TET2: variants seen among roughly 807,000 people sequenced by gnomAD.
The protein encoded by TET2 is methylcytosine dioxygenase TET2.
A neutral mutation model predicts 142.9 loss-of-function variants in TET2; 299 were observed. That is an observed-to-expected ratio of 2.09 (90% CI 1.90 to 2.30). TET2 has a LOEUF of 2.30. Ranked by LOEUF, TET2 falls within the 30% of genes most tolerant of loss-of-function variation. The pLI is 0.00. For synonymous variants in TET2, 819 were observed against 849.0 expected, an observed-to-expected ratio of 0.96 and a Z score of 0.61; for missense variants, 2,418 against 2,378.0, an observed-to-expected ratio of 1.02 and a Z score of -0.35.
At chr4:105,209,453 T>C (rs1485335494) in intron 2 of TET2, among the ~76,000 whole-genome samples, 1 of 151,840 alleles carries the variant, frequency 6.6e-6, no homozygotes, top group East Asian at 1.9e-4. Flanking sequence ...GTCAGTGGGG[T>C]TGACTTCTAG....
chr4:105,175,938 G>A lies in TET2; in HGVS notation c.-192-14422G>A, dbSNP rs567866188. Among the ~76,000 whole-genome samples, 8 of 152,202 alleles carry A rather than the reference G, an allele frequency of 5.3e-5. No individual in the cohort carries two copies. In the East Asian group the frequency reaches 1.3e-3, roughly 26 times the overall value. ...TTTAAGATGTTGAAAGAAAAATCCG[G>A]CAGTGTACGATTCTGGACCTTGCAA... is the stretch of plus-strand genomic sequence containing the variant. On this transcript the variant is annotated intron_variant, in intron 1 of 10. Coordinates refer to ENST00000380013, the MANE Select transcript of TET2 (RefSeq NM_001127208.3).
chr4:105,161,334 A>G (rs919730058), intron 1 of TET2, among the ~76,000 whole-genome samples: 1 of 152,190 alleles, frequency 6.6e-6, no homozygotes, highest in Non-Finnish European at 1.5e-5. Context: ...TTTATTGTAC[A>G]TTTCTGATAC....
intron 8 of TET2, among the ~76,000 whole-genome samples, chr4:105,264,196 TATGA>T (rs1730583002): frequency 6.6e-6 from 1 of 152,120 alleles, no homozygotes; most frequent in African/African-American, 2.4e-5. Flanking sequence ...TAGAAATGTG[TATGA>T]ATATCTATGA....
chr4:105,263,132 A>G (rs1157552333), intron 8 of TET2, among the ~76,000 whole-genome samples: 6 of 152,100 alleles, frequency 3.9e-5, no homozygotes, highest in Non-Finnish European at 7.4e-5. Context: ...GAATAGAAGA[A>G]TGTGCACATT....
intron 1 of TET2, among the ~76,000 whole-genome samples, chr4:105,179,729 G>A (rs1243548115): frequency 2.0e-5 from 3 of 152,108 alleles, no homozygotes; most frequent in Non-Finnish European, 4.4e-5. Flanking sequence ...GGTGACCTGT[G>A]TACCCTGACC....
intron 3 of TET2, 156 bp from the exon 4 acceptor site, chr4:105,241,183 A>C (rs1729277000): frequency 7.8e-7 from 1 of 1,285,828 alleles, no homozygotes; most frequent in Admixed American, 3.6e-5. Context: ...ATTTTCTAAT[A>C]GATCAGTCCA....
At chr4:105,160,599 T>A (rs1723799986) in intron 1 of TET2, among the ~76,000 whole-genome samples, 1 of 152,232 alleles carries the variant, frequency 6.6e-6, no homozygotes, top group Non-Finnish European at 1.5e-5. Flanking sequence ...CTCATTTGAC[T>A]GCTTCTTTCA....
At chr4:105,242,734 G>A (rs2110252221) in intron 4 of TET2, 100 bp from the exon 5 acceptor site, 2 of 1,496,458 alleles carry the variant, frequency 1.3e-6, no homozygotes, top group Non-Finnish European at 1.8e-6. Flanking sequence ...TCAGGATGTG[G>A]TCATAGAATA....
At chr4:105,197,958 CTA>C (rs1450440052) in intron 2 of TET2, among the ~76,000 whole-genome samples, 1 of 151,990 alleles carries the variant, frequency 6.6e-6, no homozygotes. Context: ...ATTAGAATTA[CTA>C]TGATGTTTAT....
chr4:105,172,003 G>A (rs528374463), intron 1 of TET2, among the ~76,000 whole-genome samples: 1 of 152,264 alleles, frequency 6.6e-6, no homozygotes, highest in African/African-American at 2.4e-5. Context: ...GGTTTTTCAT[G>A]TGGTACTGGG....
chr4:105,254,428 T>A lies in TET2; in HGVS notation c.3804-5191T>A, dbSNP rs552585872. Among the ~76,000 whole-genome samples, 40 of 152,344 alleles carry A rather than the reference T, an allele frequency of 2.6e-4. No homozygotes were observed. The South Asian group carries it at 8.1e-3, about 31-fold the overall frequency. Reference sequence around the variant, plus strand: ...ATATTTCTTTATTATCCTTTGTTTTTGAGACAGGGTCTCACTCTGGTTGCC... The same window carrying A: ...ATATTTCTTTATTATCCTTTGTTTTAGAGACAGGGTCTCACTCTGGTTGCC... On this transcript the variant is annotated intron_variant, in intron 6 of 10. Transcript: ENST00000380013.
At position 105,276,369 on chromosome 4, in the gene TET2, T is replaced by C. The variant is rs1731223671; in HGVS notation, c.5859T>C (p.Pro1953=). Residue 1953 remains proline, a synonymous_variant, in exon 11 of 11, where the codon CCT becomes CCC. Transcript: ENST00000380013. ...ATGGCAAAAAAGTGAAACGGGAGCC[T>C]GCTGAGCCACATGAAACTTCAGAGC... ...KSHGKKVKRE[P]AEPHETSEPT... is the part of the protein sequence containing the mutation. 2 of 1,551,782 alleles carry C rather than the reference T, an allele frequency of 1.3e-6. No individual in the cohort carries two copies. Among genetic ancestry groups the C allele is most frequent in the African/African-American group, 2.7e-5 (2 of 73,010 alleles).
intron 2 of TET2, among the ~76,000 whole-genome samples, chr4:105,232,637 GC>G (rs2110630663): frequency 6.6e-6 from 1 of 152,298 alleles, no homozygotes; most frequent in South Asian, 2.1e-4. Flanking sequence ...AAAACCAAAG[GC>G]ATGAAGCTCT....
chr4:105,208,549 G>A lies in TET2; in HGVS notation c.-47+18044G>A, dbSNP rs981580851. Among the ~76,000 whole-genome samples, 3 of 152,074 alleles carry A rather than the reference G, an allele frequency of 2.0e-5. No homozygotes were observed. In the East Asian group the frequency reaches 5.8e-4, roughly 29 times the overall value. On this transcript the variant is annotated intron_variant, in intron 2 of 10. Transcript: ENST00000380013. ...CTTGATTGATTTTTATGTACAACAAGTTAAAAAATTTAATTAGGCGTCTTT... is the reference window on the plus strand; with the variant it reads ...CTTGATTGATTTTTATGTACAACAAATTAAAAAATTTAATTAGGCGTCTTT...
In TET2 at chr4:105,275,481, T is replaced by C; in HGVS notation, c.4971T>C (p.Asp1657=). 6.4e-7 allele frequency: 1 copy of C among 1,551,680 alleles called. No homozygotes were observed. The highest frequency in any genetic ancestry group is 8.7e-7 in the Non-Finnish European group (1 of 1,146,974). Residue 1657 remains aspartate, a synonymous_variant, in exon 11 of 11, where the codon GAT becomes GAC. Transcript: ENST00000380013. ...GSYSPQSQPM[D]LYRYPSQDPL... is the part of the protein sequence containing the mutation. ...ATTCTCCCCAGTCTCAGCCGATGGA[T>C]CTGTATAGGTATCCAAGCCAAGACC...
Position 105,235,302 on chromosome 4 carries a change from A to G in TET2, c.1360A>G (p.Lys454Glu), listed in dbSNP as rs1178249268. ...TLLREVKIEG[K>E]PEAPPSQSPN... ...TTTAAGGGAAGTGAAAATAGAGGGT[A>G]AACCTGAGGCACCACCTTCCCAGAG... The change falls in exon 3 of 11, where the codon AAA becomes GAA. Residue 454 changes from lysine (K) to glutamate (E), a missense_variant. Physicochemically the swap from Lys to Glu is moderately conservative, Grantham distance 56 (BLOSUM62 1). Coordinates refer to ENST00000380013, the MANE Select transcript of TET2 (RefSeq NM_001127208.3). 2 of 1,614,120 alleles carry G rather than the reference A, an allele frequency of 1.2e-6. No homozygotes were observed. Among genetic ancestry groups the G allele is most frequent in the South Asian group, 2.2e-5 (2 of 91,080 alleles).
At chr4:105,243,529 T>A in intron 5 of TET2, 41 bp from the exon 6 acceptor site, 1 of 1,534,196 alleles carries the variant, frequency 6.5e-7, no homozygotes, top group South Asian at 1.2e-5. Flanking sequence ...TTGTTTTGGT[T>A]GGGGTGGGGG....
At position 105,272,703 on chromosome 4, in the gene TET2, G is replaced by A. The variant is rs2110306371; in HGVS notation, c.4322G>A (p.Ser1441Asn). 1.3e-6 allele frequency: 2 copies of A among 1,551,744 alleles called. No homozygotes were observed. The highest frequency in any genetic ancestry group is 1.7e-6 in the Non-Finnish European group (2 of 1,147,006). The change falls in exon 10 of 11, where the codon AGT (serine) becomes AAT (asparagine). Residue 1441 changes from serine (S) to asparagine (N), a missense_variant. Coordinates refer to ENST00000380013, the MANE Select transcript of TET2 (RefSeq NM_001127208.3). ...GAAGCTCAGGAGGAGAAAAAACGGA[G>A]TGGTGCCATTCAGGTACTGAGTTCT... ...SVEAQEEKKR[S>N]GAIQVLSSFR...
Position 105,259,912 on chromosome 4 carries a change from G to T in TET2, c.3954+143G>T, listed in dbSNP as rs527286171. On this transcript the variant is annotated intron_variant, in intron 7 of 10. Coordinates refer to ENST00000380013, the MANE Select transcript of TET2 (RefSeq NM_001127208.3). ...ACTGTAGATACACACTATTTTTTAA[G>T]TTGGCATAATAATCATATTATGCCA... 7.7e-5 allele frequency: 56 copies of T among 730,140 alleles called. No individual in the cohort carries two copies. In the African/African-American group the frequency reaches 9.8e-4, roughly 13 times the overall value. The allele number at this position is 730,140 out of a possible 1,614,324, so 45.2% of individuals were successfully genotyped here. A position where few individuals can be genotyped will look rare whatever the true frequency, so the allele number is the denominator to read the frequency against.
Sources: gnomAD v4.1 joint callset for allele counts (sites outside exome capture counted in the v4.1 genomes callset) on GRCh38, gnomAD v4.1.1 for gene constraint, MANE v1.5 for transcripts, NCBI Gene and HGNC (gene_info 2026-07-23, HGNC 2026-07-21) for gene names.